Variants in NOTCH2 observed in about 807,000 individuals in gnomAD.
The protein encoded by NOTCH2 is notch receptor 2.
Under a neutral mutation model 235.8 loss-of-function variants are expected in NOTCH2, and 29 were observed. The observed-to-expected ratio is 0.12, with a 90% CI of 0.09 to 0.17. The LOEUF (loss-of-function observed/expected upper bound fraction) is 0.17, where lower values mean the gene tolerates loss of function less well. Among genes scored for constraint, NOTCH2 ranks in the 10% least tolerant of loss-of-function variants. The probability of loss-of-function intolerance (pLI) is 1.00; values close to 1 mark genes in which losing one functional copy is unlikely to be tolerated. For synonymous variants in NOTCH2, 1,086 were observed against 1,141.5 expected (o/e 0.95, Z 0.98); for missense variants, 2,285 against 3,150.2 (o/e 0.73, Z 6.57).
At position 119,941,578 on chromosome 1, in the gene NOTCH2, C is replaced by T. The variant is rs2101105150; in HGVS notation, c.2929G>A (p.Ala977Thr). The T allele has an allele frequency of 6.2e-7, 1 of 1,614,196 alleles. No individual in the cohort carries two copies. The highest frequency in any genetic ancestry group is 8.5e-7 in the Non-Finnish European group (1 of 1,180,032). The change falls in exon 18 of 34, where the codon GCA becomes ACA. Residue 977 changes from alanine (A) to threonine (T), a missense_variant. Transcript: ENST00000256646. Reference sequence around the variant, plus strand: ...TCACAATGGACTCCATCAAATCCTGCCTGGCACTTGCAAGTGTAACTGTTG... The same window carrying T: ...TCACAATGGACTCCATCAAATCCTGTCTGGCACTTGCAAGTGTAACTGTTG... ...YVNSYTCKCQ[A>T]GFDGVHCENN...
At chr1:119,926,779 T>C (rs1649490002) in intron 23 of NOTCH2, among the ~76,000 whole-genome samples, 168 bp from the exon 24 acceptor site, 1 of 152,140 alleles carries the variant, frequency 6.6e-6, no homozygotes, top group African/African-American at 2.4e-5. Context: ...TCACTGCATC[T>C]CAACATGATT....
intron 4 of NOTCH2, chr1:119,995,856 A>T (rs1260765000): frequency 6.6e-6 from 1 of 152,238 alleles, no homozygotes; most frequent in Non-Finnish European, 1.5e-5. Flanking sequence ...TGAATAAATT[A>T]CCAGTTGATT....
intron 17 of NOTCH2, among the ~76,000 whole-genome samples, chr1:119,943,760 T>C (rs1310623726): frequency 6.6e-6 from 1 of 151,928 alleles, no homozygotes; most frequent in Non-Finnish European, 1.5e-5. Context: ...TCTCATATGG[T>C]AGAAAAGTAG....
At chr1:119,946,047 G>C (rs781856841) in intron 17 of NOTCH2, among the ~76,000 whole-genome samples, 4 of 152,058 alleles carry the variant, frequency 2.6e-5, no homozygotes, top group Non-Finnish European at 5.9e-5. Flanking sequence ...GTAAGGAAAT[G>C]TTATAAAACA....
At chr1:119,944,048 G>C (rs1184151481) in intron 17 of NOTCH2, among the ~76,000 whole-genome samples, 7 of 151,892 alleles carry the variant, frequency 4.6e-5, no homozygotes, top group African/African-American at 1.7e-4. Context: ...AAAACACTAA[G>C]TGGAAAAAAC....
At chr1:119,965,415 G>A (rs370862088) in intron 10 of NOTCH2, 38 bp downstream of exon 10, 13 of 1,480,264 alleles carry the variant, frequency 8.8e-6, no homozygotes, top group Non-Finnish European at 1.1e-5. Flanking sequence ...TTGTTCAGAT[G>A]GACCTACCAA....
intron 1 of NOTCH2, 67 bp downstream of exon 1, chr1:120,069,267 G>C (rs1475665401): frequency 3.9e-6 from 6 of 1,526,608 alleles, no homozygotes; most frequent in Non-Finnish European, 5.2e-6. Context: ...AGGACCGAGG[G>C]GGAGAAGGGT....
chr1:119,966,156 C>T (rs1186719168), intron 9 of NOTCH2, among the ~76,000 whole-genome samples: 2 of 152,154 alleles, frequency 1.3e-5, no homozygotes, highest in African/African-American at 4.8e-5. Flanking sequence ...AGGTCATGGG[C>T]CATTCAAGAA....
intron 17 of NOTCH2, among the ~76,000 whole-genome samples, chr1:119,944,468 G>C (rs1470196794): frequency 2.6e-5 from 4 of 151,262 alleles, no homozygotes; most frequent in Admixed American, 1.3e-4. Flanking sequence ...CCAGGAGGCG[G>C]AGCTTGCATT....
chr1:119,972,091 G>A (rs587719167), intron 5 of NOTCH2, among the ~76,000 whole-genome samples: 6 of 143,428 alleles, frequency 4.2e-5, no homozygotes, highest in Admixed American at 2.8e-4. Flanking sequence ...GCGTGAGAGA[G>A]TAAAAGATGG....
At chr1:120,031,071 G>T (rs1654070419) in intron 1 of NOTCH2, among the ~76,000 whole-genome samples, 1 of 151,736 alleles carries the variant, frequency 6.6e-6, no homozygotes, top group South Asian at 2.1e-4. Context: ...ATACCTGAAA[G>T]CAAAACTGAG....
At chr1:119,942,497 C>T (rs978053611) in intron 17 of NOTCH2, among the ~76,000 whole-genome samples, 5 of 152,152 alleles carry the variant, frequency 3.3e-5, no homozygotes, top group Non-Finnish European at 4.4e-5. Flanking sequence ...ATTTTATTAG[C>T]GAAACATTTA....
chr1:119,948,433 G>A lies in NOTCH2; in HGVS notation c.2733C>T (p.Asp911=), dbSNP rs142116765. The change falls in exon 17 of 34, where the codon GAC becomes GAT. Residue 911 remains aspartate, a synonymous_variant. Coordinates refer to ENST00000256646, the MANE Select transcript of NOTCH2 (RefSeq NM_024408.4). ...ACTCACTGGCAAGGCAGTCATCAAT[G>A]TCCTCCTCACAGTCCATACCACTGA... is the stretch of plus-strand genomic sequence containing the variant. The part of the protein sequence containing the change: ...PGFSGMDCEE[D]IDDCLANPCQ... 2 of 1,614,068 alleles carry A rather than the reference G, an allele frequency of 1.2e-6. No homozygotes were observed. Among genetic ancestry groups the A allele is most frequent in the Non-Finnish European group, 8.5e-7 (1 of 1,180,058 alleles).
At position 120,001,199 on chromosome 1, in the gene NOTCH2, GA is replaced by G. The variant is rs1652737208; in HGVS notation, c.416-3868del. On this transcript the variant is annotated intron_variant, in intron 3 of 33. Transcript: ENST00000256646. ...AACCTCTTTTCTTTCCGGTCTCGGG[GA>G]TATCTTTATCAGCAGCGTGAAAATG... Among the ~76,000 whole-genome samples the G allele has an allele frequency of 2.6e-5, 4 of 152,194 alleles. No individual in the cohort carries two copies. The South Asian group carries it at 8.3e-4, about 32-fold the overall frequency.
At position 119,923,810 on chromosome 1, in the gene NOTCH2, A is replaced by G. The variant is rs753136009; in HGVS notation, c.4686T>C (p.Ala1562=). 4 of 1,614,152 alleles carry G rather than the reference A, an allele frequency of 2.5e-6. 1 individual carries two copies. The highest frequency in any genetic ancestry group is 1.3e-5 in the African/African-American group (1 of 75,016). Residue 1562 remains alanine, a synonymous_variant, in exon 26 of 34, where the codon GCT becomes GCC. Coordinates refer to ENST00000256646, the MANE Select transcript of NOTCH2 (RefSeq NM_024408.4). ...TACCCAGTGCCCGCAAGAAGCTGCG[A>G]GCATCCTGGAGCAGTTGTTCAGGTG... The part of the protein sequence containing the change: ...LMPPEQLLQD[A]RSFLRALGTL...
rs587669879 is a variant in NOTCH2 at position 120,017,493 on chromosome 1, G to A, written c.156-11905C>T. Among the ~76,000 whole-genome samples, 39 of 152,236 alleles carry A rather than the reference G, an allele frequency of 2.6e-4. No individual in the cohort carries two copies. The East Asian group carries it at 6.6e-3, about 26-fold the overall frequency. ...TGCCTAACACAATGACTGGCATATA[G>A]AAGGCATTCAACTATTCAGTGCAGA... On this transcript the variant is annotated intron_variant, in intron 2 of 33. Coordinates refer to ENST00000256646, the MANE Select transcript of NOTCH2 (RefSeq NM_024408.4).
intron 3 of NOTCH2, among the ~76,000 whole-genome samples, chr1:120,000,435 G>C (rs1652703306): frequency 6.7e-6 from 1 of 149,236 alleles, no homozygotes; most frequent in Non-Finnish European, 1.5e-5. Flanking sequence ...TCAGGAGGCT[G>C]AGGCAGAAGA....
At chr1:119,962,869 G>A (rs1453124190) in intron 11 of NOTCH2, among the ~76,000 whole-genome samples, 4 of 152,176 alleles carry the variant, frequency 2.6e-5, no homozygotes, top group Non-Finnish European at 5.9e-5. Flanking sequence ...CCAAACCTGT[G>A]AGATGCTGCT....
At chr1:119,935,298 G>A (rs1182725642) in intron 22 of NOTCH2, 174 bp downstream of exon 22, 5 of 1,554,150 alleles carry the variant, frequency 3.2e-6, no homozygotes, top group Non-Finnish European at 4.3e-6. Context: ...CAACATCAGA[G>A]CTAGCAAGAG....
Sources: gnomAD v4.1 joint callset for allele counts (sites outside exome capture counted in the v4.1 genomes callset) on GRCh38, gnomAD v4.1.1 for gene constraint, MANE v1.5 for transcripts, NCBI Gene and HGNC (gene_info 2026-07-23, HGNC 2026-07-21) for gene names.